Variants in IFT140 observed in about 807,000 individuals in gnomAD.
The protein encoded by IFT140 is intraflagellar transport protein 140 homolog.
A neutral mutation model predicts 164.6 loss-of-function variants in IFT140; 133 were observed. The ratio of observed to expected loss-of-function variants is 0.81; its 90% confidence interval spans 0.70 to 0.93. The LOEUF is 0.93. Among genes scored for constraint, IFT140 ranks in the 40% least tolerant of loss-of-function variants. The pLI, the probability that IFT140 is intolerant of heterozygous loss-of-function variation, is 0.00. For missense variants in IFT140, 2,045 were observed against 1,972.3 expected (o/e 1.04, Z -0.70); for synonymous variants, 860 against 817.3 (o/e 1.05, Z -0.89).
chr16:1,595,842 C>T (rs2035437126), intron 4 of IFT140, among the ~76,000 whole-genome samples: 1 of 152,146 alleles, frequency 6.6e-6, no homozygotes, highest in Non-Finnish European at 1.5e-5. Context: ...CACTTGAGGT[C>T]AGGAGTTCGA....
intron 24 of IFT140, 91 bp from the exon 25 acceptor site, chr16:1,524,047 C>G: frequency 6.6e-7 from 1 of 1,507,466 alleles, no homozygotes; most frequent in Non-Finnish European, 8.9e-7. Flanking sequence ...GCGAACCCGC[C>G]CCTTCACTTT....
chr16:1,563,619 T>A (rs1169926108), intron 17 of IFT140, among the ~76,000 whole-genome samples: 1 of 152,028 alleles, frequency 6.6e-6, no homozygotes, highest in Non-Finnish European at 1.5e-5. Flanking sequence ...CCGTGGCTTT[T>A]CTGCATAGCT....
chr16:1,581,641 AAAT>A (rs2141764020), intron 12 of IFT140, among the ~76,000 whole-genome samples: 1 of 150,374 alleles, frequency 6.7e-6, no homozygotes, highest in South Asian at 2.1e-4. Context: ...ACAAAACAAA[AAAT>A]ATCCCAGCAC....
rs368161601 is a variant in IFT140 at position 1,554,844 on chromosome 16, T to C, written c.2399+3091A>G. ...AATTGGCCCATACACCAACCTGTCC[T>C]GGTCCTGCTACCTGAACATTGGCGC... On this transcript the variant is annotated intron_variant, in intron 19 of 30. Transcript: ENST00000426508. 6.2e-7 allele frequency: 1 copy of C among 1,614,124 alleles called. No homozygotes were observed. The highest frequency in any genetic ancestry group is 1.3e-5 in the African/African-American group (1 of 74,956).
intron 20 of IFT140, chr16:1,526,326 C>T: frequency 1.7e-6 from 1 of 585,514 alleles, no homozygotes; most frequent in South Asian, 2.0e-5. Flanking sequence ...CCCCCTCCCA[C>T]AGCCTCCCCA....
Position 1,534,249 on chromosome 16 carries a change from G to A in IFT140, c.2400-7453C>T, listed in dbSNP as rs372636447. 72 of 1,606,754 alleles carry A rather than the reference G, an allele frequency of 4.5e-5. No individual in the cohort carries two copies. The highest frequency in any genetic ancestry group is 4.1e-4 in the South Asian group (37 of 90,802). On this transcript the variant is annotated intron_variant, in intron 19 of 30. Coordinates refer to ENST00000426508, the MANE Select transcript of IFT140 (RefSeq NM_014714.4). ...CGCGGACTGGGACTTGGCTTTCTCC[G>A]GATAAGCGGCGGCACCGGCGTCAGC...
intron 3 of IFT140, chr16:1,604,274 C>CGT (rs377259663): frequency 0.11 from 14,399 of 129,714 alleles, 858 homozygotes; most frequent in South Asian, 0.17. Context: ...GCTGCAAGGG[C>CGT]GTGTGTGTGT....
At position 1,564,599 on chromosome 16, in the gene IFT140, C is replaced by A. The variant is rs1013846021; in HGVS notation, c.1902-437G>T. On this transcript the variant is annotated intron_variant, in intron 16 of 30. Coordinates refer to ENST00000426508, the MANE Select transcript of IFT140 (RefSeq NM_014714.4). The surrounding 1 kb of genome is among the most constrained non-coding windows in gnomAD (Gnocchi z 5.5). The stretch of plus-strand genomic sequence containing the variant: ...CCCTGTGCCATGCTGCCCCTTGGAC[C>A]CAGGTCCCTCCCATCTCTAAAGTTC... Among the ~76,000 whole-genome samples the A allele has an allele frequency of 6.6e-6, 1 of 152,210 alleles. No individual in the cohort carries two copies. Among genetic ancestry groups the A allele is most frequent in the Non-Finnish European group, 1.5e-5 (1 of 68,024 alleles).
At chr16:1,534,770 T>A (rs760189231) in intron 19 of IFT140, among the ~76,000 whole-genome samples, 1 of 152,316 alleles carries the variant, frequency 6.6e-6, no homozygotes, top group Non-Finnish European at 1.5e-5. Flanking sequence ...CACACACTCC[T>A]CCTGCTCAGC....
At chr16:1,595,612 A>AAG (rs1174156951) in intron 4 of IFT140, among the ~76,000 whole-genome samples, 1 of 151,994 alleles carries the variant, frequency 6.6e-6, no homozygotes, top group East Asian at 1.9e-4. Context: ...AGAAAAAAAA[A>AAG]AAAAAAGGAA....
chr16:1,534,153 G>C (rs780232915), intron 19 of IFT140: 32 of 1,293,976 alleles, frequency 2.5e-5, no homozygotes, highest in African/African-American at 3.0e-5. Flanking sequence ...CTCCGCCCGC[G>C]CCGCCCCGAG....
chr16:1,548,637 A>G (rs1223619711), intron 19 of IFT140, among the ~76,000 whole-genome samples: 1 of 152,178 alleles, frequency 6.6e-6, no homozygotes, highest in African/African-American at 2.4e-5. Context: ...GAATCTTAAT[A>G]TAAAGATGGT....
At chr16:1,584,543 A>G (rs2034765522) in intron 10 of IFT140, 123 bp from the exon 11 acceptor site, 1 of 752,786 alleles carries the variant, frequency 1.3e-6, no homozygotes, top group African/African-American at 1.8e-5. Context: ...ATTGTTCCGG[A>G]CTTAAAAAAT....
At chr16:1,608,441 C>T (rs2036181691) in intron 2 of IFT140, among the ~76,000 whole-genome samples, 1 of 151,442 alleles carries the variant, frequency 6.6e-6, no homozygotes, top group African/African-American at 2.4e-5. Context: ...CCAGCCTGGG[C>T]AAAATGGCGA....
rs1395708658 is a variant in IFT140 at position 1,511,081 on chromosome 16, G to A, written c.4252C>T (p.Gln1418Ter). The A allele has an allele frequency of 1.9e-6, 3 of 1,610,230 alleles. No individual in the cohort carries two copies. The highest frequency in any genetic ancestry group is 8.5e-7 in the Non-Finnish European group (1 of 1,178,826). The change falls in exon 31 of 31, where the codon CAG becomes TAG. Residue 1418 changes from glutamine to a stop codon, truncating the protein, a stop_gained. Transcript: ENST00000426508. LOFTEE classifies it low-confidence loss of function (END_TRUNC). ...CCCCGGTGCACGGCGTCCACGGCCT[G>A]CGGGCTCACGTAGTAGGACATGTTG... is the stretch of plus-strand genomic sequence containing the variant. ...LANMSYYVSP[Q>*]AVDAVHRGLG...
chr16:1,595,144 GC>G (rs2035390556), intron 4 of IFT140, among the ~76,000 whole-genome samples: 1 of 152,098 alleles, frequency 6.6e-6, no homozygotes, highest in African/African-American at 2.4e-5. Flanking sequence ...GATTAGCCGG[GC>G]GTGGCGGCGG....
Position 1,523,825 on chromosome 16 carries a change from C to T in IFT140, c.3270+3G>A. Reference sequence around the variant, plus strand: ...CAGGTCCCCACCGGTGGCCAGCCCTCACCTTGTGGTACAGCATGACCGCCC... The same window carrying T: ...CAGGTCCCCACCGGTGGCCAGCCCTTACCTTGTGGTACAGCATGACCGCCC... On this transcript the variant is annotated splice_donor_region_variant and intron_variant, in intron 25 of 30. Coordinates refer to ENST00000426508, the MANE Select transcript of IFT140 (RefSeq NM_014714.4). 1 of 1,612,592 alleles carries T rather than the reference C, an allele frequency of 6.2e-7. No homozygotes were observed. The highest frequency in any genetic ancestry group is 1.3e-5 in the African/African-American group (1 of 75,066).
At position 1,564,098 on chromosome 16, in the gene IFT140, T is replaced by G; in HGVS notation, c.1966A>C (p.Ser656Arg). 1 of 1,601,778 alleles carries G rather than the reference T, an allele frequency of 6.2e-7. No homozygotes were observed. The highest frequency in any genetic ancestry group is 8.5e-7 in the Non-Finnish European group (1 of 1,170,514). Residue 656 changes from serine to arginine, a missense_variant, in exon 17 of 31, where the codon AGT becomes CGT. By Grantham distance (110) the Ser-to-Arg change is moderately radical. Transcript: ENST00000426508. This position sits in a 1 kb window ranked among gnomAD's most constrained non-coding sequence, Gnocchi z 5.5. ...YVPVNHFWDQ[S>R]EPRLFVCEAV... ...TCGCATACAAACAGCCGGGGCTCAC[T>G]CTGGTCCCAGAAGTGGTTCACGGGA...
intron 19 of IFT140, among the ~76,000 whole-genome samples, chr16:1,550,407 A>T (rs1419561103): frequency 6.6e-6 from 1 of 152,274 alleles, no homozygotes; most frequent in Non-Finnish European, 1.5e-5. Flanking sequence ...TTCAAAAGCT[A>T]TGACACTGAT....
Sources: gnomAD v4.1 joint callset for allele counts (sites outside exome capture counted in the v4.1 genomes callset) on GRCh38, gnomAD v4.1.1 for gene constraint, Gnocchi (gnomAD v3.1) non-coding constraint, MANE v1.5 for transcripts, NCBI Gene and HGNC (gene_info 2026-07-23, HGNC 2026-07-21) for gene names.